The following CADM1 variants were observed in gnomAD, a reference collection of about 807,000 sequenced individuals.
The protein encoded by CADM1 is TSLC-1.
A neutral mutation model predicts 53.1 loss-of-function variants in CADM1; 15 were observed. The observed-to-expected ratio is 0.28, with a 90% CI of 0.19 to 0.44. CADM1 has a LOEUF of 0.44. Among genes scored for constraint, CADM1 ranks in the 20% least tolerant of loss-of-function variants. The pLI is 1.00. For missense variants in CADM1, 434 were observed against 611.3 expected (o/e 0.71, Z 3.06); for synonymous variants, 281 against 243.0 (o/e 1.16, Z -1.45).
intron 1 of CADM1, among the ~76,000 whole-genome samples, chr11:115,373,445 T>C (rs1200186798): frequency 1.3e-5 from 2 of 149,412 alleles, no homozygotes; most frequent in East Asian, 2.0e-4. Flanking sequence ...AGTAGCAGGG[T>C]GTGGTGGTGC....
At chr11:115,467,170 T>C (rs920626159) in intron 1 of CADM1, among the ~76,000 whole-genome samples, 23 of 152,222 alleles carry the variant, frequency 1.5e-4, no homozygotes, top group African/African-American at 4.6e-4. Flanking sequence ...ACTCATGATA[T>C]GCACAAGACG....
intron 1 of CADM1, among the ~76,000 whole-genome samples, chr11:115,264,909 A>C (rs1943089589): frequency 6.6e-6 from 1 of 152,144 alleles, no homozygotes; most frequent in Non-Finnish European, 1.5e-5. Context: ...AGGAGAGTCT[A>C]CTGCCTGACC....
At chr11:115,178,483 GTTT>G (rs375004893) in intron 11 of CADM1, among the ~76,000 whole-genome samples, 158 bp downstream of exon 11, 1,512 of 133,826 alleles carry the variant, frequency 0.011, 27 homozygotes, top group African/African-American at 0.038. Context: ...TTCTGGTTTT[GTTT>G]TTTTTTTTTT....
chr11:115,442,208 G>A (rs1948330142), intron 1 of CADM1, among the ~76,000 whole-genome samples: 1 of 151,226 alleles, frequency 6.6e-6, no homozygotes, highest in Admixed American at 6.6e-5. Flanking sequence ...GCAAGGCAAG[G>A]GACCAATGAG....
At chr11:115,387,318 T>C (rs1946723734) in intron 1 of CADM1, among the ~76,000 whole-genome samples, 1 of 152,076 alleles carries the variant, frequency 6.6e-6, no homozygotes, top group Non-Finnish European at 1.5e-5. Flanking sequence ...GGAAAGCATA[T>C]TAGTGTTCCA....
intron 1 of CADM1, among the ~76,000 whole-genome samples, chr11:115,266,192 G>C (rs557763616): frequency 6.6e-6 from 1 of 152,234 alleles, no homozygotes; most frequent in African/African-American, 2.4e-5. Context: ...GACTGCACCA[G>C]TTATTCCAGG....
chr11:115,282,726 T>A (rs1038664310), intron 1 of CADM1, among the ~76,000 whole-genome samples: 2 of 152,180 alleles, frequency 1.3e-5, no homozygotes, highest in Admixed American at 6.5e-5. Context: ...CACATCTTCA[T>A]ACACCAATCG....
At chr11:115,366,458 A>G (rs1565389475) in intron 1 of CADM1, among the ~76,000 whole-genome samples, 1 of 152,222 alleles carries the variant, frequency 6.6e-6, no homozygotes, top group Non-Finnish European at 1.5e-5. Flanking sequence ...AAAGAGGCTT[A>G]GTCTACTAGT....
At chr11:115,381,202 GA>G (rs1252215915) in intron 1 of CADM1, among the ~76,000 whole-genome samples, 1 of 151,770 alleles carries the variant, frequency 6.6e-6, no homozygotes, top group African/African-American at 2.4e-5. Flanking sequence ...GCTGAGGCAG[GA>G]GAATCACTTG....
intron 1 of CADM1, among the ~76,000 whole-genome samples, chr11:115,277,785 T>G (rs531076362): frequency 5.0e-4 from 76 of 152,260 alleles, no homozygotes; most frequent in African/African-American, 1.6e-3. Context: ...TGCATTCCCT[T>G]TCATCAAGGA....
chr11:115,457,420 G>A lies in CADM1; in HGVS notation c.124+46851C>T, dbSNP rs78308789. Among the ~76,000 whole-genome samples, 966 of 152,182 alleles carry A rather than the reference G, an allele frequency of 6.3e-3. 14 individuals carry two copies. The highest frequency in any genetic ancestry group is 0.022 in the African/African-American group (893 of 41,526). ...TTTAAAATCCATGGACTTAGCCAGG[G>A]TAAGAACTCCAAAAGATGTTGCTGG... is the stretch of plus-strand genomic sequence containing the variant. On this transcript the variant is annotated intron_variant, in intron 1 of 11. Transcript: ENST00000331581.
chr11:115,191,894 T>C (rs2134647292), intron 9 of CADM1, among the ~76,000 whole-genome samples: 1 of 152,360 alleles, frequency 6.6e-6, no homozygotes, highest in South Asian at 2.1e-4. Flanking sequence ...TCTAGTCAGA[T>C]TTGTCCCTTT....
At chr11:115,501,997 A>G (rs1591311907) in intron 1 of CADM1, among the ~76,000 whole-genome samples, 4 of 152,310 alleles carry the variant, frequency 2.6e-5, no homozygotes. Flanking sequence ...TTTGAACACA[A>G]TCTGATAACC....
intron 1 of CADM1, among the ~76,000 whole-genome samples, chr11:115,395,313 G>A (rs899506973): frequency 1.3e-5 from 2 of 152,114 alleles, no homozygotes; most frequent in Non-Finnish European, 2.9e-5. Flanking sequence ...TTATCCCAGA[G>A]AACTGAAGGG....
chr11:115,431,777 G>A lies in CADM1; in HGVS notation c.124+72494C>T, dbSNP rs538368969. On this transcript the variant is annotated intron_variant, in intron 1 of 11. Transcript: ENST00000331581. Reference sequence around the variant, plus strand: ...TCAGCTCAATCTTCACTTCCTCCACGAAGCCCTCCCTGGCCTACCTGATCA... The same window carrying A: ...TCAGCTCAATCTTCACTTCCTCCACAAAGCCCTCCCTGGCCTACCTGATCA... 8.5e-4 allele frequency among the ~76,000 whole-genome samples: 129 copies of A among 152,012 alleles called. 1 individual carries two copies. In the Middle Eastern group the frequency reaches 0.014, roughly 16 times the overall value.
intron 1 of CADM1, among the ~76,000 whole-genome samples, chr11:115,255,063 A>G (rs1369511423): frequency 6.6e-6 from 1 of 152,126 alleles, no homozygotes; most frequent in Non-Finnish European, 1.5e-5. Context: ...GAGAAGAGGA[A>G]GCAGAACTCA....
At chr11:115,229,624 A>C (rs1232594017) in intron 4 of CADM1, among the ~76,000 whole-genome samples, 6 of 152,280 alleles carry the variant, frequency 3.9e-5, no homozygotes, top group African/African-American at 1.4e-4. Flanking sequence ...ATTCAGGAGG[A>C]GAAAAAGAAA....
At chr11:115,181,253 T>C (rs1015525175) in intron 10 of CADM1, among the ~76,000 whole-genome samples, 3 of 152,104 alleles carry the variant, frequency 2.0e-5, no homozygotes, top group African/African-American at 4.8e-5. Context: ...TCACGAGGTA[T>C]ATGTATCTGT....
At chr11:115,314,178 G>T (rs1266040399) in intron 1 of CADM1, among the ~76,000 whole-genome samples, 1 of 151,906 alleles carries the variant, frequency 6.6e-6, no homozygotes, top group Non-Finnish European at 1.5e-5. Flanking sequence ...TATTAGCAGA[G>T]GGAAAGGCAA....
Sources: allele counts gnomAD v4.1 joint callset (sites outside exome capture counted in the v4.1 genomes callset), GRCh38; gene constraint gnomAD v4.1.1; transcripts MANE v1.5; gene names NCBI Gene and HGNC (gene_info 2026-07-23, HGNC 2026-07-21).